Variants in HS3ST5 observed in about 807,000 individuals in gnomAD.
HS3ST5 encodes the protein heparan sulfate glucosamine 3-O-sulfotransferase 5.
HS3ST5 carries 10 observed loss-of-function variants against 25.4 expected under a neutral mutation model. The ratio of observed to expected loss-of-function variants is 0.39; its 90% CI spans 0.24 to 0.67. The LOEUF (loss-of-function observed/expected upper bound fraction) is 0.67. Among genes scored for constraint, HS3ST5 ranks in the 30% least tolerant of loss-of-function variants. The probability of loss-of-function intolerance (pLI) is 0.44; values close to 1 mark genes in which losing one functional copy is unlikely to be tolerated. For synonymous variants in HS3ST5, 170 were observed against 162.4 expected, an observed-to-expected ratio of 1.05 and a Z score of -0.36; for missense variants, 324 against 420.7, an observed-to-expected ratio of 0.77 and a Z score of 2.01.
At chr6:114,245,637 G>A (rs1772341712) in intron 1 of HS3ST5, among the ~76,000 whole-genome samples, 1 of 152,152 alleles carries the variant, frequency 6.6e-6, no homozygotes, top group Non-Finnish European at 1.5e-5. Flanking sequence ...CGGACACTGT[G>A]GAGAGCAGTA....
Position 114,129,477 on chromosome 6 carries a change from G to A in HS3ST5, c.-33+38874C>T, listed in dbSNP as rs566599977. On this transcript the variant is annotated intron_variant, in intron 3 of 4. Coordinates refer to ENST00000312719, the MANE Select transcript of HS3ST5 (RefSeq NM_153612.4). ...TCATCGTGTTAGCCAGGATGGTCTC[G>A]ATCTCCTGACCTCGTGATCCGCCTG... Among the ~76,000 whole-genome samples, 26 of 152,048 alleles carry A rather than the reference G, an allele frequency of 1.7e-4. No individual in the cohort carries two copies. The East Asian group carries it at 4.3e-3, about 25-fold the overall frequency.
At chr6:114,163,766 A>C (rs906314055) in intron 3 of HS3ST5, among the ~76,000 whole-genome samples, 3 of 152,156 alleles carry the variant, frequency 2.0e-5, no homozygotes, top group Non-Finnish European at 2.9e-5. Context: ...TTAACTAATT[A>C]ATTAATGTAT....
intron 3 of HS3ST5, among the ~76,000 whole-genome samples, chr6:114,119,581 G>C (rs540919811): frequency 2.0e-5 from 3 of 152,278 alleles, no homozygotes; most frequent in South Asian, 2.1e-4. Flanking sequence ...CTAGCTTTTA[G>C]AGAAGCGAAT....
At chr6:114,286,292 G>T in intron 1 of HS3ST5, among the ~76,000 whole-genome samples, 1 of 152,014 alleles carries the variant, frequency 6.6e-6, no homozygotes, top group Middle Eastern at 3.4e-3. Context: ...CTCTGGAATG[G>T]TGATTATCAG....
chr6:114,212,191 G>A (rs146110335), intron 2 of HS3ST5, among the ~76,000 whole-genome samples: 1 of 152,328 alleles, frequency 6.6e-6, no homozygotes, highest in Non-Finnish European at 1.5e-5. Flanking sequence ...TATCACCACA[G>A]GGAGTCTCCT....
chr6:114,287,933 A>C (rs1261996603), intron 1 of HS3ST5, among the ~76,000 whole-genome samples: 1 of 152,052 alleles, frequency 6.6e-6, no homozygotes, highest in African/African-American at 2.4e-5. Flanking sequence ...CTAGAAACTT[A>C]AGAGGGAATC....
intron 2 of HS3ST5, among the ~76,000 whole-genome samples, chr6:114,215,379 G>A (rs1425654820): frequency 2.0e-5 from 3 of 152,042 alleles, no homozygotes; most frequent in Non-Finnish European, 4.4e-5. Flanking sequence ...TCTTGCATGG[G>A]ACCCCGAACC....
At chr6:114,120,042 G>A (rs1375915410) in intron 3 of HS3ST5, among the ~76,000 whole-genome samples, 3 of 152,134 alleles carry the variant, frequency 2.0e-5, no homozygotes, top group Non-Finnish European at 4.4e-5. Flanking sequence ...CTACTCAGGA[G>A]GCTGAGGCAG....
intron 3 of HS3ST5, among the ~76,000 whole-genome samples, chr6:114,082,151 C>T (rs139971828): frequency 2.0e-5 from 3 of 152,278 alleles, no homozygotes; most frequent in Admixed American, 6.5e-5. Flanking sequence ...AAAATTGTGA[C>T]GTTTCAAACC....
intron 3 of HS3ST5, among the ~76,000 whole-genome samples, chr6:114,124,453 C>T (rs1410461084): frequency 1.3e-5 from 2 of 152,166 alleles, no homozygotes; most frequent in African/African-American, 2.4e-5. Context: ...CATTCCCTGG[C>T]GCCCAACCAC....
chr6:114,335,919 T>TG (rs1776592847), intron 1 of HS3ST5, among the ~76,000 whole-genome samples: 1 of 152,078 alleles, frequency 6.6e-6, no homozygotes, highest in South Asian at 2.1e-4. Flanking sequence ...CCCAAAGTGC[T>TG]GGGATTACAG....
intron 3 of HS3ST5, among the ~76,000 whole-genome samples, chr6:114,118,532 A>T (rs1776639886): frequency 6.6e-6 from 1 of 152,224 alleles, no homozygotes; most frequent in Non-Finnish European, 1.5e-5. Flanking sequence ...CATTATCTTG[A>T]CTACCTATTC....
chr6:114,082,088 GCT>G (rs1219136502), intron 3 of HS3ST5, among the ~76,000 whole-genome samples: 1 of 152,096 alleles, frequency 6.6e-6, no homozygotes, highest in East Asian at 1.9e-4. Context: ...TTGCATCTCA[GCT>G]CTTTCATTTT....
chr6:114,191,882 A>G (rs1780520703), intron 2 of HS3ST5, among the ~76,000 whole-genome samples: 1 of 152,170 alleles, frequency 6.6e-6, no homozygotes, highest in Non-Finnish European at 1.5e-5. Flanking sequence ...TCATGAAGAC[A>G]TATGTATCTC....
At chr6:114,115,343 G>T (rs759339771) in intron 3 of HS3ST5, among the ~76,000 whole-genome samples, 1 of 152,090 alleles carries the variant, frequency 6.6e-6, no homozygotes, top group Non-Finnish European at 1.5e-5. Context: ...TTTGCAGCAA[G>T]TATGTCTAGC....
At chr6:114,311,556 T>TC (rs1775534942) in intron 1 of HS3ST5, among the ~76,000 whole-genome samples, 2 of 143,388 alleles carry the variant, frequency 1.4e-5, no homozygotes, top group African/African-American at 5.2e-5. Context: ...TTTTTTTTTT[T>TC]TTTTTTGAGA....
chr6:114,182,088 G>A (rs1195466899), intron 2 of HS3ST5, among the ~76,000 whole-genome samples: 3 of 152,076 alleles, frequency 2.0e-5, no homozygotes. Context: ...AACAGATTGA[G>A]AATGTATGCA....
chr6:114,218,078 A>G (rs1582727388), intron 2 of HS3ST5, among the ~76,000 whole-genome samples: 1 of 151,976 alleles, frequency 6.6e-6, no homozygotes, highest in Non-Finnish European at 1.5e-5. Context: ...GCTCACCGCA[A>G]CCTCCGCCTC....
chr6:114,200,239 A>G (rs1183693095), intron 2 of HS3ST5, among the ~76,000 whole-genome samples: 1 of 152,126 alleles, frequency 6.6e-6, no homozygotes, highest in Non-Finnish European at 1.5e-5. Context: ...AAAAACAAAA[A>G]CAAAATGAGG....
Sources: gnomAD v4.1 joint callset for allele counts (sites outside exome capture counted in the v4.1 genomes callset) on GRCh38, gnomAD v4.1.1 for gene constraint, MANE v1.5 for transcripts, NCBI Gene and HGNC (gene_info 2026-07-23, HGNC 2026-07-21) for gene names.